VRK2: variants seen among roughly 807,000 people sequenced by gnomAD.
VRK2 encodes the protein VRK serine/threonine kinase 2.
VRK2 carries 60 observed loss-of-function variants against 57.6 expected under a neutral mutation model. That is an observed-to-expected ratio of 1.04 (90% CI 0.85 to 1.29). The LOEUF (loss-of-function observed/expected upper bound fraction) is 1.29, where lower values mean the gene tolerates loss of function less well. Ranked by LOEUF, VRK2 falls within the 50% of genes most tolerant of loss-of-function variation. The pLI is 0.00. For synonymous variants in VRK2, 231 were observed against 199.2 expected (o/e 1.16, Z -1.35); for missense variants, 705 against 588.1 (o/e 1.20, Z -2.06).
At chr2:58,004,628 A>G (rs529785927) in intron 1 of VRK2, among the ~76,000 whole-genome samples, 1 of 152,288 alleles carries the variant, frequency 6.6e-6, no homozygotes, top group African/African-American at 2.4e-5. Flanking sequence ...GGAATAATCT[A>G]TTCCTTTAAT....
intron 1 of VRK2, among the ~76,000 whole-genome samples, chr2:57,984,220 T>C (rs541561892): frequency 1.3e-5 from 2 of 152,128 alleles, no homozygotes; most frequent in South Asian, 4.1e-4. Context: ...CATTGTTCCA[T>C]ATGAATAGTT....
chr2:58,158,895 A>C (rs949766965), intron 12 of VRK2, among the ~76,000 whole-genome samples: 2 of 152,142 alleles, frequency 1.3e-5, no homozygotes. Context: ...GGCTGTGTAC[A>C]GCCTCATCCT....
At chr2:57,926,688 C>T (rs893476915) in intron 1 of VRK2, among the ~76,000 whole-genome samples, 16 of 151,654 alleles carry the variant, frequency 1.1e-4, no homozygotes, top group African/African-American at 3.6e-4. Context: ...TTGGTTTCCA[C>T]TGCATGGAAT....
rs1455303150 is a variant in VRK2, at chr2:58,159,524, A to ACACTTC, written c.1362_1367dup (p.Ser455_Thr456dup). ...TCAAGATCTCCATCTTGGTATAAATACACTTCCACAGTCAGCACGGGGATC... is the reference window on the plus strand; with the variant it reads ...TCAAGATCTCCATCTTGGTATAAATACACTTCCACTTCCACAGTCAGCACGGGGATC... On this transcript the variant is annotated inframe_insertion, in exon 13 of 13. Transcript: ENST00000340157. 17 of 1,613,700 alleles carry ACACTTC rather than the reference A, an allele frequency of 1.1e-5. No individual in the cohort carries two copies. Among genetic ancestry groups the ACACTTC allele is most frequent in the Non-Finnish European group, 1.4e-5 (17 of 1,179,824 alleles).
At chr2:58,066,369 T>C (rs1376933520) in intron 2 of VRK2, among the ~76,000 whole-genome samples, 3 of 152,194 alleles carry the variant, frequency 2.0e-5, no homozygotes, top group Admixed American at 2.0e-4. Flanking sequence ...ATTAATATGG[T>C]AGATGACATT....
At chr2:58,073,903 A>G (rs769580443) in intron 2 of VRK2, among the ~76,000 whole-genome samples, 3 of 151,970 alleles carry the variant, frequency 2.0e-5, no homozygotes, top group Non-Finnish European at 4.4e-5. Flanking sequence ...CTTTTATCCT[A>G]GCCACCTTGG....
chr2:58,025,439 C>T (rs1673895532), intron 1 of VRK2, among the ~76,000 whole-genome samples: 2 of 152,196 alleles, frequency 1.3e-5, no homozygotes, highest in Middle Eastern at 3.4e-3. Context: ...GGAGAAATCC[C>T]TAAGTAAACA....
At chr2:57,967,425 T>A (rs1671957785) in intron 1 of VRK2, among the ~76,000 whole-genome samples, 1 of 152,034 alleles carries the variant, frequency 6.6e-6, no homozygotes, top group African/African-American at 2.4e-5. Flanking sequence ...GTTTTTTTTT[T>A]AACACATCAG....
intron 1 of VRK2, among the ~76,000 whole-genome samples, chr2:57,993,641 C>T (rs1175597394): frequency 1.3e-5 from 2 of 152,176 alleles, no homozygotes; most frequent in Non-Finnish European, 2.9e-5. Context: ...AAATGTTTCT[C>T]AATAAAAATA....
intron 1 of VRK2, among the ~76,000 whole-genome samples, chr2:58,021,736 G>A (rs534105278): frequency 1.0e-3 from 157 of 152,142 alleles, no homozygotes; most frequent in Middle Eastern, 3.4e-3. Context: ...AAAGGACTCA[G>A]CCAGTAGCAT....
intron 2 of VRK2, among the ~76,000 whole-genome samples, chr2:58,069,281 T>C (rs1223690906): frequency 6.6e-6 from 1 of 152,192 alleles, no homozygotes; most frequent in Non-Finnish European, 1.5e-5. Flanking sequence ...TCATGTGTGT[T>C]CCATTCAGTG....
chr2:58,053,970 A>T (rs879485699), intron 2 of VRK2, among the ~76,000 whole-genome samples: 1 of 152,158 alleles, frequency 6.6e-6, no homozygotes, highest in Non-Finnish European at 1.5e-5. Context: ...AACTCAAAAC[A>T]GGGAAGGAAT....
Position 57,922,928 on chromosome 2 carries a change from T to C in VRK2, c.-439+15089T>C, listed in dbSNP as rs1670401416. On this transcript the variant is annotated intron_variant, in intron 1 of 15. Coordinates refer to the VRK2 transcript ENST00000417641. Reference sequence around the variant, plus strand: ...TCTATATATATCTCCATGAGTTCAATTGTTTTAATTTTTAGTTTTCACAAA... The same window carrying C: ...TCTATATATATCTCCATGAGTTCAACTGTTTTAATTTTTAGTTTTCACAAA... Among the ~76,000 whole-genome samples, 5 of 152,080 alleles carry C rather than the reference T, an allele frequency of 3.3e-5. No individual in the cohort carries two copies. In the South Asian group the frequency reaches 8.3e-4, roughly 25 times the overall value.
intron 1 of VRK2, among the ~76,000 whole-genome samples, chr2:57,944,267 C>T (rs994927307): frequency 1.3e-5 from 2 of 152,064 alleles, no homozygotes; most frequent in African/African-American, 4.8e-5. Flanking sequence ...GCATTATATC[C>T]CTTATTCCAA....
rs532190411 is a variant in VRK2 at position 58,102,321 on chromosome 2, A to T, written c.543+12598A>T. Among the ~76,000 whole-genome samples the T allele has an allele frequency of 1.2e-3, 179 of 151,470 alleles. 1 individual carries two copies. The highest frequency in any genetic ancestry group is 4.1e-3 in the African/African-American group (168 of 41,436). On this transcript the variant is annotated intron_variant, in intron 7 of 12. Coordinates refer to ENST00000340157, the MANE Select transcript of VRK2 (RefSeq NM_006296.7). Reference sequence around the variant, plus strand: ...CAGATTGCCAGAATGGATTTTTTTTAAAAAATGAACCAACTATATACTAGT... The same window carrying T: ...CAGATTGCCAGAATGGATTTTTTTTTAAAAATGAACCAACTATATACTAGT...
chr2:57,921,147 G>T (rs1454171651), intron 1 of VRK2, among the ~76,000 whole-genome samples: 2 of 151,966 alleles, frequency 1.3e-5, no homozygotes, highest in Non-Finnish European at 2.9e-5. Flanking sequence ...CCCAAAGATG[G>T]CCTACATCAG....
Position 57,975,390 on chromosome 2 carries a change from T to C in VRK2, c.-438-50275T>C, listed in dbSNP as rs544892921. ...ATAGACTTTTTATATTAGTTTTCTA[T>C]TGCTGCCTTAACAAATTACCACAAA... On this transcript the variant is annotated intron_variant, in intron 1 of 15. Transcript: ENST00000417641. Among the ~76,000 whole-genome samples the C allele has an allele frequency of 7.2e-5, 11 of 152,202 alleles. No individual in the cohort carries two copies. In the South Asian group the frequency reaches 2.1e-3, roughly 29 times the overall value.
chr2:58,045,995 C>T (rs1314079970), upstream of VRK2, among the ~76,000 whole-genome samples: 1 of 152,144 alleles, frequency 6.6e-6, no homozygotes, highest in African/African-American at 2.4e-5. Context: ...AGGCGTCCGC[C>T]ACCACGCCTG....
intron 1 of VRK2, among the ~76,000 whole-genome samples, chr2:57,984,666 G>C (rs1477999677): frequency 6.6e-6 from 1 of 151,974 alleles, no homozygotes; most frequent in Non-Finnish European, 1.5e-5. Flanking sequence ...AACATCAGGG[G>C]AAAAACATAT....
Sources: gnomAD v4.1 joint callset for allele counts (sites outside exome capture counted in the v4.1 genomes callset) on GRCh38, gnomAD v4.1.1 for gene constraint, MANE v1.5 for transcripts, NCBI Gene and HGNC (gene_info 2026-07-23, HGNC 2026-07-21) for gene names.